Variants in KIF15 observed in about 807,000 individuals in gnomAD.
KIF15 encodes kinesin family member 15, also known as kinesin-like protein KIF15.
In KIF15, 140 loss-of-function variants were observed where a neutral mutation model predicts 190.6. The ratio of observed to expected loss-of-function variants is 0.73; its 90% confidence interval spans 0.64 to 0.84. KIF15 has a LOEUF of 0.84. Among genes scored for constraint, KIF15 ranks in the 40% least tolerant of loss-of-function variants. The probability of loss-of-function intolerance (pLI) is 0.00; values close to 1 mark genes in which losing one functional copy is unlikely to be tolerated. For synonymous variants in KIF15, 528 were observed against 551.3 expected, an observed-to-expected ratio of 0.96 and a Z score of 0.59; for missense variants, 1,372 against 1,584.4, an observed-to-expected ratio of 0.87 and a Z score of 2.28.
chr3:44,794,656 C>T (rs1706884346), intron 8 of KIF15, among the ~76,000 whole-genome samples: 2 of 152,080 alleles, frequency 1.3e-5, no homozygotes, highest in South Asian at 4.2e-4. Flanking sequence ...CCTAACAGCA[C>T]ATTTCTTAAA....
chr3:44,790,417 G>A (rs906576656), intron 7 of KIF15, among the ~76,000 whole-genome samples: 6 of 152,130 alleles, frequency 3.9e-5, no homozygotes, highest in South Asian at 2.1e-4. Flanking sequence ...CAGTTGCCCC[G>A]GGTGGAAATC....
intron 16 of KIF15, among the ~76,000 whole-genome samples, chr3:44,807,311 G>C (rs1707553379): frequency 6.6e-6 from 1 of 151,344 alleles, no homozygotes; most frequent in Non-Finnish European, 1.5e-5. Flanking sequence ...TGCAACCTCT[G>C]CTTCCTGGGT....
At chr3:44,864,112 C>G in intron 6 of KIF15, 1 of 1,570,084 alleles carries the variant, frequency 6.4e-7, no homozygotes, top group Non-Finnish European at 8.7e-7. Flanking sequence ...TGGGTGCCAG[C>G]AACCACAGTC....
intron 6 of KIF15, among the ~76,000 whole-genome samples, chr3:44,859,521 C>T (rs1341323713): frequency 6.6e-6 from 1 of 152,038 alleles, no homozygotes; most frequent in East Asian, 1.9e-4. Context: ...AAAAATTAGC[C>T]AGGCATGATG....
chr3:44,802,159 G>A (rs186004976), intron 13 of KIF15, among the ~76,000 whole-genome samples, 185 bp downstream of exon 13: 24 of 152,338 alleles, frequency 1.6e-4, no homozygotes, highest in African/African-American at 5.8e-4. Context: ...AAGGGGAGAA[G>A]GAAGAAGTTG....
intron 6 of KIF15, chr3:44,861,825 G>C (rs1699251582): frequency 7.7e-7 from 1 of 1,304,138 alleles, no homozygotes; most frequent in South Asian, 1.3e-5. Context: ...GCCGGAGCGT[G>C]GCGTCACAGG....
chr3:44,805,254 A>G lies in KIF15; in HGVS notation c.1829+86A>G. 3.1e-6 allele frequency: 4 copies of G among 1,307,852 alleles called. No homozygotes were observed. In the South Asian group the frequency reaches 5.7e-5, roughly 19 times the overall value. 81.0% of individuals were successfully genotyped at this position (1,307,852 alleles called of 1,614,324 possible). A position where few individuals can be genotyped will look rare whatever the true frequency, so the allele number is the denominator to read the frequency against. On this transcript the variant is annotated intron_variant, in intron 15 of 34. Coordinates refer to ENST00000326047, the MANE Select transcript of KIF15 (RefSeq NM_020242.3). ...GTTAATATCGATAATTCAATTGGGC[A>G]TTTTACTTTAAATATTAAACTCTCA... is the stretch of plus-strand genomic sequence containing the variant.
intron 7 of KIF15, among the ~76,000 whole-genome samples, chr3:44,793,629 G>A (rs1294215759): frequency 2.0e-5 from 3 of 152,110 alleles, no homozygotes; most frequent in African/African-American, 7.2e-5. Flanking sequence ...TGATTTTGGT[G>A]GCTGTTGTGT....
chr3:44,797,888 T>G lies in KIF15; in HGVS notation c.1030T>G (p.Ser344Ala), dbSNP rs746375701. The G allele has an allele frequency of 2.5e-6, 4 of 1,613,844 alleles. No individual in the cohort carries two copies. Among genetic ancestry groups the G allele is most frequent in the Non-Finnish European group, 8.5e-7 (1 of 1,179,946 alleles). Residue 344 changes from serine (S) to alanine (A), a missense_variant, in exon 10 of 35, where the codon TCC becomes GCC. By Grantham distance (99) the Ser-to-Ala change is moderately conservative. Coordinates refer to ENST00000326047, the MANE Select transcript of KIF15 (RefSeq NM_020242.3). ...TAIIANVHPGSRCFGETLSTL... is the reference protein window; with the variant it reads ...TAIIANVHPGARCFGETLSTL... ...CATAATTGCAAATGTTCATCCTGGA[T>G]CCAGGTGTTTTGGGGAAACCCTATC...
chr3:44,772,606 G>T (rs1705691391), intron 1 of KIF15, among the ~76,000 whole-genome samples: 2 of 152,168 alleles, frequency 1.3e-5, no homozygotes. Flanking sequence ...ATCCTTTTGA[G>T]TCCCTTATTA....
chr3:44,849,453 T>C (rs1698983481), intron 32 of KIF15, among the ~76,000 whole-genome samples: 1 of 152,134 alleles, frequency 6.6e-6, no homozygotes, highest in African/African-American at 2.4e-5. Flanking sequence ...TGAAACCCTG[T>C]CTCTATTTCT....
downstream of KIF15, among the ~76,000 whole-genome samples, chr3:44,854,044 T>C (rs1699152888): frequency 6.6e-6 from 1 of 152,182 alleles, no homozygotes; most frequent in Non-Finnish European, 1.5e-5. Context: ...GGAAATGTTT[T>C]AAAATTGCTT....
chr3:44,775,492 T>C (rs1290227848), intron 3 of KIF15, 55 bp downstream of exon 3: 2 of 1,351,884 alleles, frequency 1.5e-6, no homozygotes, highest in African/African-American at 2.9e-5. Flanking sequence ...AGTCTCACTC[T>C]GTCACCAGGC....
chr3:44,797,630 A>C lies in KIF15; in HGVS notation c.929A>C (p.Gln310Pro). The C allele has an allele frequency of 6.2e-7, 1 of 1,614,154 alleles. No individual in the cohort carries two copies. ...TALVDVGNGKQRHVCYRDSKL... is the reference protein window; with the variant it reads ...TALVDVGNGKPRHVCYRDSKL... ...CTTGTCGACGTGGGTAATGGAAAACAGAGACATGTTTGCTACAGAGACTCC... is the reference window on the plus strand; with the variant it reads ...CTTGTCGACGTGGGTAATGGAAAACCGAGACATGTTTGCTACAGAGACTCC... The change falls in exon 9 of 35, where the codon CAG (glutamine) becomes CCG (proline). Residue 310 changes from glutamine to proline, a missense_variant. Gln to Pro is a moderately conservative substitution (Grantham distance 76, BLOSUM62 -1). Transcript: ENST00000326047.
At chr3:44,839,678 A>T (rs974916921) in intron 27 of KIF15, among the ~76,000 whole-genome samples, 2 of 152,108 alleles carry the variant, frequency 1.3e-5, no homozygotes, top group African/African-American at 4.8e-5. Flanking sequence ...TTGCTGATTC[A>T]TGTCTCCTTC....
Position 44,810,650 on chromosome 3 carries a change from A to T in KIF15, c.1972-196A>T, listed in dbSNP as rs555344534. Among the ~76,000 whole-genome samples, 5 of 152,280 alleles carry T rather than the reference A, an allele frequency of 3.3e-5. No homozygotes were observed. The East Asian group carries it at 9.6e-4, about 29-fold the overall frequency. On this transcript the variant is annotated intron_variant, in intron 16 of 34. Coordinates refer to ENST00000326047, the MANE Select transcript of KIF15 (RefSeq NM_020242.3). ...CATTAAGTTTATTTTTAAAAATTGTATTAGAATTTTGCTTGGGACTGCATT... is the reference window on the plus strand; with the variant it reads ...CATTAAGTTTATTTTTAAAAATTGTTTTAGAATTTTGCTTGGGACTGCATT...
At position 44,786,485 on chromosome 3, in the gene KIF15, G is replaced by C. The variant is rs982049099; in HGVS notation, c.550G>C (p.Gly184Arg). Reference protein sequence around the residue: ...IYDLLDSASAGLYLREHIKKG... With the variant: ...IYDLLDSASARLYLREHIKKG... Reference sequence around the variant, plus strand: ...TGATCTACTGGACTCTGCATCGGCTGGACTGTACTTAAGGGAGCATATCAA... The same window carrying C: ...TGATCTACTGGACTCTGCATCGGCTCGACTGTACTTAAGGGAGCATATCAA... Residue 184 changes from glycine to arginine, a missense_variant, in exon 7 of 35, where the codon GGA becomes CGA. Physicochemically the swap from Gly to Arg is moderately radical, Grantham distance 125. Transcript: ENST00000326047. The C allele has an allele frequency of 6.2e-7, 1 of 1,613,978 alleles. No individual in the cohort carries two copies. The highest frequency in any genetic ancestry group is 8.5e-7 in the Non-Finnish European group (1 of 1,179,920).
Position 44,797,827 on chromosome 3 carries a change from T to A in KIF15, c.976-7T>A. 6.2e-7 allele frequency: 1 copy of A among 1,611,034 alleles called. No individual in the cohort carries two copies. Among genetic ancestry groups the A allele is most frequent in the Non-Finnish European group, 8.5e-7 (1 of 1,179,162 alleles). ...CCGAAAATATGTTCATTCCTATCAT[T>A]AAACAGGATTCCCTTGGAGGTAATG... On this transcript the variant is annotated splice_polypyrimidine_tract_variant and splice_region_variant and intron_variant, in intron 9 of 34. Transcript: ENST00000326047.
chr3:44,805,809 A>G (rs1559550121), intron 15 of KIF15, 36 bp from the exon 16 acceptor site: 1 of 1,580,564 alleles, frequency 6.3e-7, no homozygotes, highest in South Asian at 1.1e-5. Context: ...GACATTACTT[A>G]TTACCTGAAA....
Sources: allele counts gnomAD v4.1 joint callset (sites outside exome capture counted in the v4.1 genomes callset), GRCh38; gene constraint gnomAD v4.1.1; transcripts MANE v1.5; gene names NCBI Gene and HGNC (gene_info 2026-07-23, HGNC 2026-07-21).